Variants in DTNB observed in about 807,000 individuals in gnomAD.
The protein encoded by DTNB is dystrobrevin beta.
A neutral mutation model predicts 90.7 loss-of-function variants in DTNB; 63 were observed. The observed-to-expected ratio is 0.69, with a 90% CI of 0.57 to 0.86. The LOEUF (loss-of-function observed/expected upper bound fraction) is 0.86, where lower values mean the gene tolerates loss of function less well. Ranked by LOEUF, DTNB falls within the 40% of genes least tolerant of loss-of-function variation. The probability of loss-of-function intolerance (pLI) is 0.00; values close to 1 mark genes in which losing one functional copy is unlikely to be tolerated. For synonymous variants in DTNB, 277 were observed against 286.7 expected (o/e 0.97, Z 0.34); for missense variants, 744 against 807.1 (o/e 0.92, Z 0.95).
intron 9 of DTNB, among the ~76,000 whole-genome samples, chr2:25,487,121 G>C (rs1019223629): frequency 1.3e-5 from 2 of 152,154 alleles, no homozygotes; most frequent in Non-Finnish European, 2.9e-5. Flanking sequence ...CACTGTTACT[G>C]GGTACCTACT....
intron 4 of DTNB, 108 bp from the exon 5 acceptor site, chr2:25,607,429 G>C: frequency 2.0e-6 from 2 of 1,016,966 alleles, no homozygotes; most frequent in Non-Finnish European, 2.7e-6. Context: ...GACCTTGTCT[G>C]TTACAATTTT....
At chr2:25,453,187 T>C (rs1178624424) in intron 11 of DTNB, among the ~76,000 whole-genome samples, 2 of 152,210 alleles carry the variant, frequency 1.3e-5, no homozygotes, top group East Asian at 1.9e-4. Context: ...GCAAAAGAGC[T>C]CCTTTTTCTC....
chr2:25,532,245 CAA>C (rs11352371), intron 8 of DTNB, among the ~76,000 whole-genome samples: 92 of 74,276 alleles, frequency 1.2e-3, no homozygotes, highest in African/African-American at 1.4e-3. Flanking sequence ...AACTCTGTCT[CAA>C]AAAAAAAAAA....
At chr2:25,561,087 T>C (rs536121014) in intron 8 of DTNB, among the ~76,000 whole-genome samples, 7 of 152,352 alleles carry the variant, frequency 4.6e-5, no homozygotes, top group African/African-American at 1.4e-4. Flanking sequence ...TCTAGCACAT[T>C]CCTTCTAGTA....
At chr2:25,666,787 G>C (rs893441374) in intron 1 of DTNB, among the ~76,000 whole-genome samples, 1 of 152,130 alleles carries the variant, frequency 6.6e-6, no homozygotes, top group African/African-American at 2.4e-5. Flanking sequence ...TGCACTTCCT[G>C]CAGGTAGTAA....
chr2:25,446,880 T>C (rs1213917712), intron 12 of DTNB, among the ~76,000 whole-genome samples: 2 of 152,216 alleles, frequency 1.3e-5, no homozygotes, highest in Admixed American at 1.3e-4. Context: ...CTGTTGGTTC[T>C]CTATCTCCCA....
intron 9 of DTNB, among the ~76,000 whole-genome samples, chr2:25,484,545 A>G (rs893474255): frequency 6.6e-6 from 1 of 152,190 alleles, no homozygotes; most frequent in African/African-American, 2.4e-5. Flanking sequence ...CCATCTATCT[A>G]TGCACTTTTT....
intron 8 of DTNB, among the ~76,000 whole-genome samples, chr2:25,532,354 A>C (rs758630390): frequency 1.4e-4 from 21 of 152,200 alleles, no homozygotes; most frequent in Non-Finnish European, 2.5e-4. Context: ...CACATCCCCA[A>C]GATGTTAGGA....
chr2:25,523,245 T>C (rs1212788900), intron 9 of DTNB, among the ~76,000 whole-genome samples: 2 of 152,166 alleles, frequency 1.3e-5, no homozygotes, highest in Non-Finnish European at 2.9e-5. Context: ...ATGCACAAAG[T>C]ACTATGTGAA....
intron 12 of DTNB, among the ~76,000 whole-genome samples, chr2:25,447,354 T>C (rs1054864944): frequency 6.6e-6 from 1 of 152,174 alleles, no homozygotes; most frequent in Non-Finnish European, 1.5e-5. Context: ...TTCACCTTGG[T>C]GATTCTCAAA....
chr2:25,672,202 G>C (rs2086091382), intron 1 of DTNB, among the ~76,000 whole-genome samples: 1 of 18,968 alleles, frequency 5.3e-5, no homozygotes, highest in South Asian at 1.6e-3. Context: ...GCCTCGCATA[G>C]CAAAAAAAAA....
At chr2:25,525,544 G>A (rs2076932536) in intron 9 of DTNB, among the ~76,000 whole-genome samples, 1 of 151,908 alleles carries the variant, frequency 6.6e-6, no homozygotes, top group South Asian at 2.1e-4. Flanking sequence ...GCTGAGGCAG[G>A]AGAATCGCTT....
intron 10 of DTNB, among the ~76,000 whole-genome samples, chr2:25,465,003 G>C (rs982557790): frequency 1.3e-5 from 2 of 152,132 alleles, no homozygotes; most frequent in African/African-American, 2.4e-5. Context: ...ATAAAGTCTG[G>C]AACTTAATTC....
At chr2:25,444,091 G>C (rs958490986) in intron 12 of DTNB, among the ~76,000 whole-genome samples, 9 of 151,892 alleles carry the variant, frequency 5.9e-5, no homozygotes, top group African/African-American at 2.2e-4. Context: ...TTTCCATAAT[G>C]AATTTTAAAT....
chr2:25,581,374 T>C (rs1046216159), intron 6 of DTNB, among the ~76,000 whole-genome samples: 2 of 151,968 alleles, frequency 1.3e-5, no homozygotes, highest in Admixed American at 6.5e-5. Flanking sequence ...AACTTTCTCA[T>C]TGACAGAAGA....
At chr2:25,627,564 T>TA (rs1380831590) in intron 4 of DTNB, among the ~76,000 whole-genome samples, 1 of 152,006 alleles carries the variant, frequency 6.6e-6, no homozygotes, top group Non-Finnish European at 1.5e-5. Flanking sequence ...ATTCAAAACT[T>TA]AGTGTTTTTC....
chr2:25,589,382 T>TC (rs2063106021), intron 6 of DTNB, among the ~76,000 whole-genome samples: 1 of 118,430 alleles, frequency 8.4e-6, no homozygotes, highest in Non-Finnish European at 1.8e-5. Flanking sequence ...TTTTTTTTTT[T>TC]TTTTTTTTTT....
chr2:25,628,990 G>A (rs2075085889), intron 3 of DTNB, among the ~76,000 whole-genome samples: 1 of 152,144 alleles, frequency 6.6e-6, no homozygotes, highest in Non-Finnish European at 1.5e-5. Flanking sequence ...AGTAGGCGCG[G>A]TAGCTGGGTC....
chr2:25,436,853 G>A (rs1005092199), intron 12 of DTNB, among the ~76,000 whole-genome samples: 5 of 152,132 alleles, frequency 3.3e-5, no homozygotes, highest in Non-Finnish European at 5.9e-5. Flanking sequence ...TGAGACGAGG[G>A]AAAATTATGG....
Sources: gnomAD v4.1 joint callset for allele counts (sites outside exome capture counted in the v4.1 genomes callset) on GRCh38, gnomAD v4.1.1 for gene constraint, MANE v1.5 for transcripts, NCBI Gene and HGNC (gene_info 2026-07-23, HGNC 2026-07-21) for gene names.